Variants in ZNF595 observed in about 807,000 individuals in gnomAD.
ZNF595 encodes the protein zinc finger protein 595.
Under a neutral mutation model 19.4 loss-of-function variants are expected in ZNF595, and 9 were observed. The observed-to-expected ratio is 0.46, with a 90% CI of 0.28 to 0.81. The LOEUF (loss-of-function observed/expected upper bound fraction) is 0.81. Among genes scored for constraint, ZNF595 ranks in the 30% least tolerant of loss-of-function variants. The pLI is 0.11. For missense variants in ZNF595, 729 were observed against 736.0 expected, an observed-to-expected ratio of 0.99 and a Z score of 0.11; for synonymous variants, 255 against 255.9, an observed-to-expected ratio of 1.00 and a Z score of 0.03.
chr4:70,816 CTT>C (rs1242490405), intron 3 of ZNF595, among the ~76,000 whole-genome samples: 2 of 152,084 alleles, frequency 1.3e-5, no homozygotes, highest in African/African-American at 4.8e-5. Flanking sequence ...CTTACAGTGA[CTT>C]TGGCTATTCT....
At chr4:75,536 T>G (rs1286277227) in intron 3 of ZNF595, among the ~76,000 whole-genome samples, 1 of 152,226 alleles carries the variant, frequency 6.6e-6, no homozygotes, top group Admixed American at 6.5e-5. Context: ...GGCAGTTAAA[T>G]TTTAACATGA....
chr4:86,445 G>A lies in ZNF595; in HGVS notation c.941G>A (p.Cys314Tyr). Residue 314 changes from cysteine (C) to tyrosine (Y), a missense_variant, in exon 4 of 4, where the codon TGT becomes TAT. Around this residue, in one of 2 missense-constraint regions of ZNF595, gnomAD observed 729 missense variants for 675.3 expected, o/e 1.08. Coordinates refer to ENST00000610261, the MANE Select transcript of ZNF595 (RefSeq NM_182524.4). ...CATACTGGAGAGAAACCCTACAAAT[G>A]TAAAGAATGTGGCAAAGCCTTTAGA... ...NIHTGEKPYK[C>Y]KECGKAFRQS... is the part of the protein sequence containing the mutation. 6.2e-7 allele frequency: 1 copy of A among 1,614,040 alleles called. No homozygotes were observed. Among genetic ancestry groups the A allele is most frequent in the Non-Finnish European group, 8.5e-7 (1 of 1,179,964 alleles).
intron 3 of ZNF595, among the ~76,000 whole-genome samples, chr4:66,563 T>C (rs1273768694): frequency 6.6e-6 from 1 of 150,976 alleles, no homozygotes; most frequent in Non-Finnish European, 1.5e-5. Flanking sequence ...CTTCTAAAGA[T>C]TGTATAATTA....
chr4:73,010 G>A (rs909710699), intron 3 of ZNF595, among the ~76,000 whole-genome samples: 3 of 152,130 alleles, frequency 2.0e-5, no homozygotes, highest in Admixed American at 2.0e-4. Flanking sequence ...AGGATCCACA[G>A]GCAGATGCAG....
rs1553802306 is a variant in ZNF595 at position 87,829 on chromosome 4, T to C, written c.*378T>C. 6.5e-6 allele frequency: 1 copy of C among 153,326 alleles called. No individual in the cohort carries two copies. The highest frequency in any genetic ancestry group is 1.4e-5 in the Non-Finnish European group (1 of 69,914). The allele number at this position is 153,326 out of a possible 1,614,324, so 9.5% of individuals were successfully genotyped here. A position where few individuals can be genotyped will look rare whatever the true frequency, so the allele number is the denominator to read the frequency against. ...TCCACCTGCTGGGTTCAAGCAATTC[T>C]CCTGCCTCAGCCTCATGAGTAGCTG... On this transcript the variant is annotated 3_prime_UTR_variant, in exon 4 of 4. Coordinates refer to ENST00000610261, the MANE Select transcript of ZNF595 (RefSeq NM_182524.4).
At chr4:77,172 A>ATTTT (rs1713702023) in intron 3 of ZNF595, among the ~76,000 whole-genome samples, 1 of 151,026 alleles carries the variant, frequency 6.6e-6, no homozygotes, top group Admixed American at 6.6e-5. Context: ...AAATGACTTA[A>ATTTT]TTTTAACTTT....
intron 3 of ZNF595, among the ~76,000 whole-genome samples, chr4:85,197 A>G (rs1189617909): frequency 7.9e-5 from 12 of 152,148 alleles, no homozygotes; most frequent in Admixed American, 7.9e-4. Flanking sequence ...TCTTCTACCT[A>G]TTCCCTGTAT....
chr4:75,146 T>G (rs1301307812), intron 3 of ZNF595, among the ~76,000 whole-genome samples: 1 of 152,244 alleles, frequency 6.6e-6, no homozygotes, highest in African/African-American at 2.4e-5. Flanking sequence ...ATGTGTGTCC[T>G]TAACTCTAAG....
intron 3 of ZNF595, chr4:67,891 CTTT>C (rs1581335430): frequency 4.1e-4 from 194 of 478,550 alleles, no homozygotes; most frequent in South Asian, 1.9e-3. Flanking sequence ...AGGATTGCTT[CTTT>C]TTTTTTTTTT....
intron 3 of ZNF595, among the ~76,000 whole-genome samples, chr4:82,545 T>C (rs1581387185): frequency 6.6e-6 from 1 of 151,812 alleles, no homozygotes; most frequent in East Asian, 1.9e-4. Flanking sequence ...CCACCACACC[T>C]GGCTAATTTT....
intron 1 of ZNF595, among the ~76,000 whole-genome samples, chr4:57,654 C>T (rs1166502297): frequency 1.3e-5 from 2 of 150,144 alleles, no homozygotes; most frequent in South Asian, 2.2e-4. Flanking sequence ...TGGAATTCAG[C>T]GTCATGTATT....
At chr4:61,149 C>A (rs1581322859) in intron 3 of ZNF595, among the ~76,000 whole-genome samples, 1 of 152,294 alleles carries the variant, frequency 6.6e-6, no homozygotes, top group Admixed American at 6.5e-5. Context: ...AGATTTCTTT[C>A]TTTTTTTCTT....
In ZNF595 at chr4:87,413, G is replaced by T; in HGVS notation, c.1909G>T (p.Val637Leu). ...TTTTAATCGGCCCTCAACCCTTACTGTACACAAGCGAATTCATACTGGCAA... is the reference window on the plus strand; with the variant it reads ...TTTTAATCGGCCCTCAACCCTTACTTTACACAAGCGAATTCATACTGGCAA... ...KAFNRPSTLT[V>L]HKRIHTGKEH... The change falls in exon 4 of 4, where the codon GTA (valine) becomes TTA (leucine). Residue 637 changes from valine (V) to leucine (L), a missense_variant. Physicochemically the swap from Val to Leu is conservative, Grantham distance 32 (BLOSUM62 1). Transcript: ENST00000610261. 1 of 1,605,380 alleles carries T rather than the reference G, an allele frequency of 6.2e-7. No homozygotes were observed. Among genetic ancestry groups the T allele is most frequent in the Non-Finnish European group, 8.5e-7 (1 of 1,176,018 alleles).
At chr4:83,807 T>C (rs1714024870) in intron 3 of ZNF595, among the ~76,000 whole-genome samples, 1 of 151,996 alleles carries the variant, frequency 6.6e-6, no homozygotes, top group Non-Finnish European at 1.5e-5. Flanking sequence ...TACTTGATTA[T>C]TGTATTTTTG....
In ZNF595 at chr4:87,193, C is replaced by T. The variant is rs782576557; in HGVS notation, c.1689C>T (p.Pro563=). 21 of 1,596,520 alleles carry T rather than the reference C, an allele frequency of 1.3e-5. No homozygotes were observed. The change falls in exon 4 of 4, where the codon CCC becomes CCT. Residue 563 remains proline (P), a synonymous_variant. Coordinates refer to ENST00000610261, the MANE Select transcript of ZNF595 (RefSeq NM_182524.4). Reference sequence around the variant, plus strand: ...AGAAAATTCATTCTGGAGAGAAACCCTACAAATGCAAAGAATGTGGCAAAG... The same window carrying T: ...AGAAAATTCATTCTGGAGAGAAACCTTACAAATGCAAAGAATGTGGCAAAG... ...EHKKIHSGEK[P]YKCKECGKAY...
chr4:76,040 G>T (rs528570048), intron 3 of ZNF595, among the ~76,000 whole-genome samples: 43 of 152,080 alleles, frequency 2.8e-4, no homozygotes, highest in African/African-American at 1.0e-3. Flanking sequence ...ACAAGTACAT[G>T]CCACCATGTC....
Position 85,929 on chromosome 4 carries a change from G to C in ZNF595, c.425G>C (p.Ser142Thr). The C allele has an allele frequency of 6.2e-7, 1 of 1,613,574 alleles. No homozygotes were observed. The highest frequency in any genetic ancestry group is 2.2e-5 in the East Asian group (1 of 44,852). ...TACCAGTGCTTGTCAACTACCCAGA[G>C]CAAAATATTTCAATGTAATACATGT... is the stretch of plus-strand genomic sequence containing the variant. ...GVYQCLSTTQSKIFQCNTCVK... is the reference protein window; with the variant it reads ...GVYQCLSTTQTKIFQCNTCVK... Residue 142 changes from serine to threonine, a missense_variant, in exon 4 of 4, where the codon AGC becomes ACC. Physicochemically the swap from Ser to Thr is moderately conservative, Grantham distance 58. Transcript: ENST00000610261.
Position 85,742 on chromosome 4 carries a change from C to T in ZNF595, c.238C>T (p.Pro80Ser), listed in dbSNP as rs533438187. 4.8e-5 allele frequency: 75 copies of T among 1,569,956 alleles called. No homozygotes were observed. In the Middle Eastern group the frequency reaches 1.2e-3, roughly 25 times the overall value. The change falls in exon 4 of 4, where the codon CCT (proline) becomes TCT (serine). Residue 80 changes from proline to serine, a missense_variant. Physicochemically the swap from Pro to Ser is moderately conservative, Grantham distance 74 (BLOSUM62 -1). Coordinates refer to ENST00000610261, the MANE Select transcript of ZNF595 (RefSeq NM_182524.4). ...TAAKPPAICS[P>S]FSQDLSPVQG... ...TTTATTTCTTTCAGCTATATGTTCT[C>T]CTTTCAGCCAAGACCTTTCACCAGT... is the stretch of plus-strand genomic sequence containing the variant.
chr4:72,163 C>G (rs1713458066), intron 3 of ZNF595, among the ~76,000 whole-genome samples: 1 of 151,984 alleles, frequency 6.6e-6, no homozygotes, highest in Non-Finnish European at 1.5e-5. Context: ...ATTTGTAGAG[C>G]TTGAAAAATA....
Sources: allele counts gnomAD v4.1 joint callset (sites outside exome capture counted in the v4.1 genomes callset), GRCh38; gene constraint gnomAD v4.1.1; regional missense constraint gnomAD v4.1.1; transcripts MANE v1.5; gene names NCBI Gene and HGNC (gene_info 2026-07-23, HGNC 2026-07-21).